Variants in ZNF625 observed in about 807,000 individuals in gnomAD.
The protein encoded by ZNF625 is zinc finger protein 625.
Under a neutral mutation model 11.1 loss-of-function variants are expected in ZNF625, and 8 were observed. That is an observed-to-expected ratio of 0.72 (90% CI 0.42 to 1.30). ZNF625 has a LOEUF of 1.30. Among genes scored for constraint, ZNF625 ranks in the 50% most tolerant of loss-of-function variants. ZNF625 has a pLI of 0.01. For missense variants in ZNF625, 349 were observed against 447.6 expected (o/e 0.78, Z 1.99); for synonymous variants, 145 against 153.4 (o/e 0.95, Z 0.41).
Position 12,145,936 on chromosome 19 carries a change from C to T in ZNF625, c.480G>A (p.Gly160=), listed in dbSNP as rs1397231897. 9.3e-6 allele frequency: 15 copies of T among 1,614,034 alleles called. No homozygotes were observed. ...FRTHEWAHTG[G]KPYDCEECGK... is the part of the protein sequence containing the mutation. The stretch of plus-strand genomic sequence containing the variant: ...CACATTCCTCACAATCATAAGGTTT[C>T]CCCCCAGTGTGAGCCCATTCATGTG... Residue 160 remains glycine, a synonymous_variant, in exon 4 of 4, where the codon GGG becomes GGA. Transcript: ENST00000439556.
At position 12,145,220 on chromosome 19, in the gene ZNF625, G is replaced by A. The variant is rs943082631; in HGVS notation, c.*77C>T. 2 of 1,421,866 alleles carry A rather than the reference G, an allele frequency of 1.4e-6. No individual in the cohort carries two copies. The highest frequency in any genetic ancestry group is 2.3e-5 in the Admixed American group (1 of 44,406). The allele number at this position is 1,421,866 out of a possible 1,614,324, so 88.1% of individuals were successfully genotyped here. A position where few individuals can be genotyped will look rare whatever the true frequency, so the allele number is the denominator to read the frequency against. ...ACTGCAGAAGCTTCAGAATAATTTT[G>A]CGATGGTTCCCATGATTTGAGGGAA... On this transcript the variant is annotated 3_prime_UTR_variant, in exon 4 of 4. Transcript: ENST00000439556.
Position 12,147,394 on chromosome 19 carries a change from C to T in ZNF625, c.191+1G>A. On this transcript the variant is annotated splice_donor_variant, in intron 3 of 3. Coordinates refer to ENST00000439556, the MANE Select transcript of ZNF625 (RefSeq NM_145233.4). LOFTEE classifies it high-confidence loss of function. ...CACTTTCTCTTGTGAATGCGAATTA[C>T]CTTAGGTTTCTCCTGGGATTTTTGT... The T allele has an allele frequency of 2.0e-6, 3 of 1,533,224 alleles. No homozygotes were observed. Among genetic ancestry groups the T allele is most frequent in the Non-Finnish European group, 2.6e-6 (3 of 1,144,112 alleles). The allele number at this position is 1,533,224 out of a possible 1,614,324, so 95.0% of individuals were successfully genotyped here.
chr19:12,153,822 T>A (rs1171327645), intron 1 of ZNF625, among the ~76,000 whole-genome samples: 4 of 147,578 alleles, frequency 2.7e-5, no homozygotes, highest in Admixed American at 6.7e-5. Context: ...TTTTTTTTTT[T>A]TTTGAGACGG....
chr19:12,151,599 T>C (rs1976957142), intron 1 of ZNF625, among the ~76,000 whole-genome samples: 1 of 152,072 alleles, frequency 6.6e-6, no homozygotes, highest in Admixed American at 6.6e-5. Context: ...CAAGATGGTC[T>C]CGGTCTCCTG....
chr19:12,147,677 T>C lies in ZNF625; in HGVS notation c.129A>G (p.Val43=), dbSNP rs775735370. ...MQETFRNLAS[V]GKKWKDQKIE... is the part of the protein sequence containing the mutation. ...GGAAAGTAATATTGTTACCCTTACC[T>C]ACAGAAGCCAGGTTCCTGAAGGTTT... The change falls in exon 2 of 4, where the codon GTA becomes GTG. Residue 43 remains valine, a splice_region_variant and synonymous_variant. Transcript: ENST00000439556. 1 of 1,613,846 alleles carries C rather than the reference T, an allele frequency of 6.2e-7. No individual in the cohort carries two copies.
intron 1 of ZNF625, among the ~76,000 whole-genome samples, chr19:12,151,318 C>T (rs1976952184): frequency 6.6e-6 from 1 of 151,282 alleles, no homozygotes; most frequent in Non-Finnish European, 1.5e-5. Context: ...TCAAGCAATC[C>T]TCCCACCACA....
chr19:12,156,539 C>G lies in ZNF625; in HGVS notation c.3+17G>C. On this transcript the variant is annotated intron_variant, in intron 1 of 3. Coordinates refer to ENST00000439556, the MANE Select transcript of ZNF625 (RefSeq NM_145233.4). ...GGCCCCTCCCCCGTCTCGGGACCCC[C>G]GGCCCCGCACACTCACCATTTCCCG... 2.1e-6 allele frequency: 3 copies of G among 1,427,102 alleles called. No individual in the cohort carries two copies. The highest frequency in any genetic ancestry group is 1.6e-5 in the South Asian group (1 of 63,008). 88.4% of individuals were successfully genotyped at this position (1,427,102 alleles called of 1,614,324 possible).
At chr19:12,155,176 A>C (rs1977009581) in intron 1 of ZNF625, among the ~76,000 whole-genome samples, 3 of 150,964 alleles carry the variant, frequency 2.0e-5, no homozygotes, top group South Asian at 4.2e-4. Flanking sequence ...CCGTAAGCCG[A>C]GATTGCGCCA....
At chr19:12,153,815 T>C (rs1356647456) in intron 1 of ZNF625, among the ~76,000 whole-genome samples, 5 of 145,194 alleles carry the variant, frequency 3.4e-5, no homozygotes, top group African/African-American at 1.3e-4. Flanking sequence ...CTTTTTTTTT[T>C]TTTTTTTTTT....
chr19:12,145,736 G>T lies in ZNF625; in HGVS notation c.680C>A (p.Ala227Asp). The change falls in exon 4 of 4, where the codon GCC (alanine) becomes GAC (aspartate). Residue 227 changes from alanine to aspartate, a missense_variant. Ala to Asp is a moderately radical substitution (Grantham distance 126, BLOSUM62 -2). Coordinates refer to ENST00000439556, the MANE Select transcript of ZNF625 (RefSeq NM_145233.4). ...TCGAAGGCTACCAGAATGACTAAAGGCTTTACCACACTGTTTACATTCATA... is the reference window on the plus strand; with the variant it reads ...TCGAAGGCTACCAGAATGACTAAAGTCTTTACCACACTGTTTACATTCATA... Reference protein sequence around the residue: ...KPYECKQCGKAFSHSGSLRIH... With the variant: ...KPYECKQCGKDFSHSGSLRIH... The T allele has an allele frequency of 6.2e-7, 1 of 1,614,116 alleles. No homozygotes were observed. Among genetic ancestry groups the T allele is most frequent in the South Asian group, 1.1e-5 (1 of 91,078 alleles).
At chr19:12,149,817 GC>G (rs1395498860) in intron 1 of ZNF625, among the ~76,000 whole-genome samples, 1 of 151,640 alleles carries the variant, frequency 6.6e-6, no homozygotes, top group Non-Finnish European at 1.5e-5. Flanking sequence ...TTGGCTCACT[GC>G]AACCTCTGCC....
At chr19:12,152,354 A>C (rs963835334) in intron 1 of ZNF625, among the ~76,000 whole-genome samples, 1 of 152,154 alleles carries the variant, frequency 6.6e-6, no homozygotes, top group African/African-American at 2.4e-5. Context: ...TCACCAATAT[A>C]TTGGAAAAGA....
At position 12,145,312 on chromosome 19, in the gene ZNF625, G is replaced by A. The variant is rs547596088; in HGVS notation, c.1104C>T (p.Gly368=). Residue 368 remains glycine, a synonymous_variant, in exon 4 of 4, where the codon GGC becomes GGT. Transcript: ENST00000439556. The part of the protein sequence containing the change: ...PCSSNTSKGQ[G]EKIA The stretch of plus-strand genomic sequence containing the variant: ...CTTATGTGAATTAAGCAATCTTCTC[G>A]CCTTGGCCTTTCGAAGTGTTGGAGC... The A allele has an allele frequency of 5.6e-6, 9 of 1,609,662 alleles. No individual in the cohort carries two copies. Among genetic ancestry groups the A allele is most frequent in the Non-Finnish European group, 7.6e-6 (9 of 1,177,662 alleles).
At chr19:12,146,604 G>A (rs904505635) in intron 3 of ZNF625, among the ~76,000 whole-genome samples, 1 of 152,012 alleles carries the variant, frequency 6.6e-6, no homozygotes, top group Admixed American at 6.6e-5. Context: ...GCTAATTTTT[G>A]TATATTTGCT....
rs376299416 is a variant in ZNF625 at position 12,147,218 on chromosome 19, C to T, written c.191+177G>A. On this transcript the variant is annotated intron_variant, in intron 3 of 3. Coordinates refer to ENST00000439556, the MANE Select transcript of ZNF625 (RefSeq NM_145233.4). ...TCCTGACCTCGTGATCCGCCTGCCT[C>T]AGCCTCCCAAAGTGCTGGGATTACA... Among the ~76,000 whole-genome samples the T allele has an allele frequency of 2.1e-4, 32 of 152,266 alleles. No homozygotes were observed. The East Asian group carries it at 2.1e-3, about 10-fold the overall frequency.
intron 1 of ZNF625, among the ~76,000 whole-genome samples, chr19:12,156,023 A>T (rs919270100): frequency 1.8e-4 from 27 of 151,952 alleles, no homozygotes; most frequent in Non-Finnish European, 3.2e-4. Context: ...CTCATTTTTT[A>T]AAAATTTATT....
At position 12,156,664 on chromosome 19, in the gene ZNF625, C is replaced by G; in HGVS notation, c.-106G>C. 1 of 1,136,862 alleles carries G rather than the reference C, an allele frequency of 8.8e-7. No individual in the cohort carries two copies. Among genetic ancestry groups the G allele is most frequent in the Non-Finnish European group, 1.1e-6 (1 of 897,074 alleles). 70.4% of individuals were successfully genotyped at this position (1,136,862 alleles called of 1,614,324 possible). On this transcript the variant is annotated 5_prime_UTR_variant, in exon 1 of 4. Coordinates refer to ENST00000439556, the MANE Select transcript of ZNF625 (RefSeq NM_145233.4). ...GAAGCTATGGCGGAGGCACCTGGTC[C>G]CTCTCGGGGCCGGAAAACCGAGATC...
chr19:12,145,179 C>T lies in ZNF625; in HGVS notation c.*118G>A. The stretch of plus-strand genomic sequence containing the variant: ...GGCTACTGGCATTTATTTCTGAATG[C>T]TGTCAAATGACAGTGACTGCAGAAG... On this transcript the variant is annotated 3_prime_UTR_variant, in exon 4 of 4. Transcript: ENST00000439556. 8.0e-7 allele frequency: 1 copy of T among 1,256,340 alleles called. No individual in the cohort carries two copies. Among genetic ancestry groups the T allele is most frequent in the Middle Eastern group, 2.0e-4 (1 of 5,094 alleles). 77.8% of individuals were successfully genotyped at this position (1,256,340 alleles called of 1,614,324 possible).
Position 12,145,250 on chromosome 19 carries a change from A to AT in ZNF625, c.*46dup. 1 of 1,525,932 alleles carries AT rather than the reference A, an allele frequency of 6.6e-7. No individual in the cohort carries two copies. The highest frequency in any genetic ancestry group is 8.8e-7 in the Non-Finnish European group (1 of 1,135,704). The allele number at this position is 1,525,932 out of a possible 1,614,324, so 94.5% of individuals were successfully genotyped here. A position where few individuals can be genotyped will look rare whatever the true frequency, so the allele number is the denominator to read the frequency against. Reference sequence around the variant, plus strand: ...GGTTCCCATGATTTGAGGGAAACACATTTTTACCATGATTGGATTCGGTGG... The same window carrying AT: ...GGTTCCCATGATTTGAGGGAAACACATTTTTTACCATGATTGGATTCGGTGG... On this transcript the variant is annotated 3_prime_UTR_variant, in exon 4 of 4. Coordinates refer to ENST00000439556, the MANE Select transcript of ZNF625 (RefSeq NM_145233.4).
Sources: allele counts gnomAD v4.1 joint callset (sites outside exome capture counted in the v4.1 genomes callset), GRCh38; gene constraint gnomAD v4.1.1; transcripts MANE v1.5; gene names NCBI Gene and HGNC (gene_info 2026-07-23, HGNC 2026-07-21).